Variants in EIF4E3 observed in about 807,000 individuals in gnomAD.
EIF4E3 encodes eukaryotic translation initiation factor 4E type 3.
Under a neutral mutation model 31.7 loss-of-function variants are expected in EIF4E3, and 26 were observed. The ratio of observed to expected loss-of-function variants is 0.82; its 90% CI spans 0.60 to 1.14. The LOEUF is 1.14. EIF4E3 is among the 50% of genes most tolerant of loss of function. EIF4E3 has a pLI of 0.00. For missense variants in EIF4E3, 304 were observed against 270.9 expected (o/e 1.12, Z -0.86); for synonymous variants, 128 against 107.7 (o/e 1.19, Z -1.17).
At chr3:71,746,225 A>G (rs1231607563) in intron 1 of EIF4E3, among the ~76,000 whole-genome samples, 1 of 152,208 alleles carries the variant, frequency 6.6e-6, no homozygotes, top group African/African-American at 2.4e-5. Context: ...TAATTGCTTT[A>G]AAACTCAAGG....
At chr3:71,727,896 T>A (rs1349028), upstream of EIF4E3, among the ~76,000 whole-genome samples, 45,363 of 152,080 alleles carry the variant, frequency 0.3, 7,077 homozygotes, top group East Asian at 0.41. Flanking sequence ...TGTAAAAGGA[T>A]TGTGTACCAC....
intron 1 of EIF4E3, among the ~76,000 whole-genome samples, chr3:71,738,755 A>C (rs2049789891): frequency 6.6e-6 from 1 of 152,074 alleles, no homozygotes. Flanking sequence ...ACTGCTAGAC[A>C]GAACATCAGC....
chr3:71,733,453 G>C (rs1267037080), intron 1 of EIF4E3, among the ~76,000 whole-genome samples: 1 of 152,184 alleles, frequency 6.6e-6, no homozygotes, highest in Non-Finnish European at 1.5e-5. Flanking sequence ...AGTGTATTGT[G>C]CTTTCCGAAG....
At chr3:71,688,643 C>T (rs942293915) in intron 6 of EIF4E3, among the ~76,000 whole-genome samples, 1 of 152,114 alleles carries the variant, frequency 6.6e-6, no homozygotes, top group Non-Finnish European at 1.5e-5. Flanking sequence ...CAATGAAATA[C>T]ACTTCCGTCT....
chr3:71,690,317 G>A, intron 5 of EIF4E3, 152 bp from the exon 6 acceptor site: 1 of 895,450 alleles, frequency 1.1e-6, no homozygotes, highest in Non-Finnish European at 1.6e-6. Context: ...TTGTTTCTAT[G>A]GGGAATCACT....
At chr3:71,659,598 G>T in the EIF4E3 span, among the ~76,000 whole-genome samples, 1 of 152,148 alleles carries the variant, frequency 6.6e-6, no homozygotes, top group Non-Finnish European at 1.5e-5. Flanking sequence ...AGCGTGTCAA[G>T]ATCTAATTCC....
At position 71,684,092 on chromosome 3, in the gene EIF4E3, T is replaced by A. The variant is rs1202758108; in HGVS notation, c.*590A>T. The stretch of plus-strand genomic sequence containing the variant: ...TGTTTTAAAAAGGAAAATTAAAGAT[T>A]TGTGTGCTGTCAGTGCAAAATCACA... On this transcript the variant is annotated 3_prime_UTR_variant, in exon 7 of 7. Transcript: ENST00000425534. 2.0e-5 allele frequency: 3 copies of A among 152,630 alleles called. No individual in the cohort carries two copies. The highest frequency in any genetic ancestry group is 4.8e-5 in the African/African-American group (2 of 41,446). 9.5% of individuals were successfully genotyped at this position (152,630 alleles called of 1,614,324 possible).
chr3:71,721,826 T>C (rs1243596659), intron 1 of EIF4E3, among the ~76,000 whole-genome samples: 1 of 151,926 alleles, frequency 6.6e-6, no homozygotes, highest in Non-Finnish European at 1.5e-5. Flanking sequence ...CAGACTAATA[T>C]GGAAGGTCTG....
intron 1 of EIF4E3, among the ~76,000 whole-genome samples, chr3:71,740,195 G>C (rs1298586977): frequency 1.3e-5 from 2 of 152,030 alleles, no homozygotes; most frequent in Non-Finnish European, 2.9e-5. Context: ...GAGCAGTTAA[G>C]ACAAATAGAA....
the EIF4E3 span, among the ~76,000 whole-genome samples, chr3:71,667,130 T>A: frequency 5.9e-5 from 9 of 152,138 alleles, no homozygotes; most frequent in Non-Finnish European, 1.2e-4. Context: ...ATCCATCACA[T>A]AAACAGAACC....
Position 71,684,500 on chromosome 3 carries a change from C to A in EIF4E3, c.*182G>T, listed in dbSNP as rs1186539353. 3 of 489,840 alleles carry A rather than the reference C, an allele frequency of 6.1e-6. No homozygotes were observed. The highest frequency in any genetic ancestry group is 4.0e-5 in the African/African-American group (2 of 50,178). 30.3% of individuals were successfully genotyped at this position (489,840 alleles called of 1,614,324 possible). On this transcript the variant is annotated 3_prime_UTR_variant, in exon 7 of 7. Coordinates refer to ENST00000425534, the MANE Select transcript of EIF4E3 (RefSeq NM_001134651.2). ...AAAGCAAGTAATGTGACGGTAGAAA[C>A]CCACACAATCTCCCCCCACCCCACC...
downstream of EIF4E3, among the ~76,000 whole-genome samples, chr3:71,673,877 A>T (rs1397447885): frequency 6.7e-6 from 1 of 148,654 alleles, no homozygotes; most frequent in Non-Finnish European, 1.5e-5. Flanking sequence ...CTTTCCTTTA[A>T]GGTAGCCAGG....
chr3:71,746,151 G>C (rs1293120259), intron 1 of EIF4E3, among the ~76,000 whole-genome samples: 1 of 152,124 alleles, frequency 6.6e-6, no homozygotes, highest in Admixed American at 6.6e-5. Flanking sequence ...CAGGCTTTTG[G>C]TCCAGACAGA....
chr3:71,722,114 TG>T (rs2049560959), intron 1 of EIF4E3, among the ~76,000 whole-genome samples: 1 of 134,838 alleles, frequency 7.4e-6, no homozygotes, highest in Non-Finnish European at 1.6e-5. Flanking sequence ...GGGTGGGAGG[TG>T]GTTACAGATG....
intron 1 of EIF4E3, among the ~76,000 whole-genome samples, chr3:71,741,200 A>G (rs749511952): frequency 1.3e-5 from 2 of 151,838 alleles, no homozygotes; most frequent in Admixed American, 6.6e-5. Context: ...ACGCGCACAC[A>G]CACACACACA....
chr3:71,737,372 C>A (rs1480891428), intron 1 of EIF4E3, among the ~76,000 whole-genome samples: 1 of 152,134 alleles, frequency 6.6e-6, no homozygotes, highest in Non-Finnish European at 1.5e-5. Context: ...AACATATGAC[C>A]ACCTATTAAA....
chr3:71,677,496 C>T lies in EIF4E3; in HGVS notation c.*7186G>A, dbSNP rs2048883008. The T allele has an allele frequency of 6.6e-6, 1 of 152,098 alleles. No homozygotes were observed. The allele number at this position is 152,098 out of a possible 1,614,324, so 9.4% of individuals were successfully genotyped here. ...CCTATGCTAATAGAACAACCGAGAA[C>T]ACATTCCAAAAAGTGCATCAATAAC... On this transcript the variant is annotated 3_prime_UTR_variant, in exon 7 of 7. Transcript: ENST00000425534.
upstream of EIF4E3, chr3:71,754,267 C>G (rs1354433923): frequency 4.9e-6 from 6 of 1,224,220 alleles, no homozygotes; most frequent in Non-Finnish European, 6.2e-6. This position sits in a 1 kb window ranked among gnomAD's most constrained non-coding sequence, Gnocchi z 5.8. Context: ...GCCTGCCTCC[C>G]GGCCGTCATG....
At chr3:71,721,198 G>A (rs545377579) in intron 1 of EIF4E3, among the ~76,000 whole-genome samples, 1 of 152,208 alleles carries the variant, frequency 6.6e-6, no homozygotes, top group Non-Finnish European at 1.5e-5. Context: ...CACAGGAGAA[G>A]GTGAAGTCAC....
Sources: gnomAD v4.1 joint callset for allele counts (sites outside exome capture counted in the v4.1 genomes callset) on GRCh38, gnomAD v4.1.1 for gene constraint, Gnocchi (gnomAD v3.1) non-coding constraint, MANE v1.5 for transcripts, NCBI Gene and HGNC (gene_info 2026-07-23, HGNC 2026-07-21) for gene names.